Variants in COL26A1 observed in about 807,000 individuals in gnomAD.
The protein encoded by COL26A1 is collagen type XXVI alpha 1 chain.
A neutral mutation model predicts 59.3 loss-of-function variants in COL26A1; 41 were observed. That is an observed-to-expected ratio of 0.69 (90% CI 0.54 to 0.90). The LOEUF is 0.90. COL26A1 is among the 40% of genes least tolerant of loss of function. The pLI is 0.00. For missense variants in COL26A1, 612 were observed against 602.3 expected (o/e 1.02, Z -0.17); for synonymous variants, 266 against 256.0 (o/e 1.04, Z -0.37).
chr7:101,468,895 C>G (rs954484445), intron 3 of COL26A1, among the ~76,000 whole-genome samples: 20 of 152,300 alleles, frequency 1.3e-4, no homozygotes, highest in African/African-American at 4.8e-4. Flanking sequence ...AGGCCTGGCT[C>G]CCATTAAGCA....
chr7:101,418,589 C>T (rs1164124234), intron 1 of COL26A1, among the ~76,000 whole-genome samples: 1 of 152,108 alleles, frequency 6.6e-6, no homozygotes, highest in Non-Finnish European at 1.5e-5. Flanking sequence ...CTGCCTCAGC[C>T]TCTTGAGTGG....
Position 101,385,213 on chromosome 7 carries a change from T to TAC in COL26A1, c.158+22040_158+22041dup, listed in dbSNP as rs71129618. Among the ~76,000 whole-genome samples the TAC allele has an allele frequency of 2.9e-4, 42 of 142,528 alleles. 1 individual carries two copies. Among genetic ancestry groups the TAC allele is most frequent in the East Asian group, 6.1e-4 (3 of 4,886 alleles). 93.5% of individuals were successfully genotyped at this position (142,528 alleles called of 152,430 possible). ...AATCCAATCAATTTGACACTATATA[T>TAC]ACACACACACACACACACTATATAT... is the stretch of plus-strand genomic sequence containing the variant. On this transcript the variant is annotated intron_variant, in intron 1 of 12. Transcript: ENST00000313669.
intron 1 of COL26A1, among the ~76,000 whole-genome samples, chr7:101,407,955 CCTCTGAGCTGCTA>C (rs1792166928): frequency 6.6e-6 from 1 of 152,194 alleles, no homozygotes; most frequent in Admixed American, 6.5e-5. Context: ...TGAAGCTCTA[CCTCTGAGCTGCTA>C]CTCTGGGCAC....
intron 10 of COL26A1, 75 bp downstream of exon 10, chr7:101,551,218 G>T: frequency 2.6e-6 from 3 of 1,172,674 alleles, no homozygotes; most frequent in Non-Finnish European, 2.4e-6. Flanking sequence ...GGCACTGGGT[G>T]GCGGGGGTTG....
chr7:101,392,425 G>A (rs1413082574), intron 1 of COL26A1, among the ~76,000 whole-genome samples: 1 of 137,642 alleles, frequency 7.3e-6, no homozygotes, highest in Non-Finnish European at 1.5e-5. Flanking sequence ...TTTTTAAGAT[G>A]GAGTCTCACT....
In COL26A1 at chr7:101,525,233, A is replaced by G. The variant is rs148695812; in HGVS notation, c.386-7849A>G. ...GTCTTGCTCTGTCACCCAGGCTGGA[A>G]TGCAGTGGCGTGATCTCAGCTCTCT... On this transcript the variant is annotated intron_variant, in intron 3 of 12. Transcript: ENST00000313669. 7.6e-3 allele frequency among the ~76,000 whole-genome samples: 983 copies of G among 129,266 alleles called. 9 individuals carry two copies. Among genetic ancestry groups the G allele is most frequent in the Non-Finnish European group, 9.6e-3 (619 of 64,582 alleles). 84.8% of individuals were successfully genotyped at this position (129,266 alleles called of 152,430 possible). A position where few individuals can be genotyped will look rare whatever the true frequency, so the allele number is the denominator to read the frequency against.
chr7:101,500,190 C>T (rs1794672240), intron 3 of COL26A1, among the ~76,000 whole-genome samples: 1 of 152,224 alleles, frequency 6.6e-6, no homozygotes, highest in Non-Finnish European at 1.5e-5. Context: ...ACGTCCCCGC[C>T]TCTCTCGCCA....
intron 3 of COL26A1, among the ~76,000 whole-genome samples, chr7:101,463,788 C>CT (rs1269046213): frequency 9.9e-4 from 42 of 42,500 alleles, no homozygotes; most frequent in African/African-American, 3.2e-3. Context: ...TTTCTTTCTT[C>CT]CTTTCTTTCT....
intron 3 of COL26A1, among the ~76,000 whole-genome samples, chr7:101,501,832 G>A (rs763563800): frequency 6.6e-6 from 1 of 152,198 alleles, no homozygotes; most frequent in Non-Finnish European, 1.5e-5. Flanking sequence ...GCAAACACAG[G>A]TTGTGTATAC....
At chr7:101,377,116 C>T (rs1314738493) in intron 1 of COL26A1, among the ~76,000 whole-genome samples, 1 of 152,176 alleles carries the variant, frequency 6.6e-6, no homozygotes, top group African/African-American at 2.4e-5. Flanking sequence ...GCCTCGGCCT[C>T]GCAAAGTGCT....
intron 3 of COL26A1, among the ~76,000 whole-genome samples, chr7:101,463,127 T>C (rs1271295996): frequency 2.0e-5 from 3 of 152,182 alleles, no homozygotes; most frequent in Non-Finnish European, 2.9e-5. Flanking sequence ...TGTGTCAATC[T>C]AGAAAGAGAA....
At chr7:101,553,434 G>A (rs1029553664) in intron 11 of COL26A1, 58 bp downstream of exon 11, 120 of 1,547,338 alleles carry the variant, frequency 7.8e-5, no homozygotes, top group African/African-American at 2.8e-4. Flanking sequence ...GCACTGTCAC[G>A]GGAGGGCAGG....
chr7:101,551,822 C>T (rs1270230138), intron 10 of COL26A1, among the ~76,000 whole-genome samples: 1 of 152,124 alleles, frequency 6.6e-6, no homozygotes, highest in Non-Finnish European at 1.5e-5. Context: ...GATGCCCAAG[C>T]CTCACTGTAG....
intron 3 of COL26A1, among the ~76,000 whole-genome samples, chr7:101,485,210 T>C (rs1206957587): frequency 6.6e-6 from 1 of 151,972 alleles, no homozygotes; most frequent in Non-Finnish European, 1.5e-5. Flanking sequence ...GAAGCATACA[T>C]GGAGGAAGGA....
At chr7:101,397,975 G>A (rs1584371942) in intron 1 of COL26A1, among the ~76,000 whole-genome samples, 1 of 152,304 alleles carries the variant, frequency 6.6e-6, no homozygotes, top group South Asian at 2.1e-4. Flanking sequence ...GCCCCCTAGA[G>A]GTAACCATGG....
intron 3 of COL26A1, among the ~76,000 whole-genome samples, chr7:101,505,234 G>C (rs976752444): frequency 6.7e-6 from 1 of 150,094 alleles, no homozygotes; most frequent in Admixed American, 6.7e-5. Context: ...GTGCAGAAGT[G>C]TGTATGTGTG....
intron 1 of COL26A1, among the ~76,000 whole-genome samples, chr7:101,380,389 G>C (rs10238454): frequency 0.06 from 9,021 of 150,378 alleles, 621 homozygotes; most frequent in African/African-American, 0.16. Flanking sequence ...CTGCCTTTCA[G>C]GTTCAAGCAA....
intron 11 of COL26A1, among the ~76,000 whole-genome samples, chr7:101,554,011 C>T (rs1232788710): frequency 6.6e-6 from 1 of 151,780 alleles, no homozygotes. Context: ...CATCTGAGGT[C>T]CAAAGTCAAA....
At chr7:101,518,635 T>C (rs968704253) in intron 3 of COL26A1, among the ~76,000 whole-genome samples, 17 of 152,324 alleles carry the variant, frequency 1.1e-4, no homozygotes, top group Non-Finnish European at 2.1e-4. Flanking sequence ...GTTAGAGCAC[T>C]TGAAGCAATA....
Sources: allele counts gnomAD v4.1 joint callset (sites outside exome capture counted in the v4.1 genomes callset), GRCh38; gene constraint gnomAD v4.1.1; transcripts MANE v1.5; gene names NCBI Gene and HGNC (gene_info 2026-07-23, HGNC 2026-07-21).